Variants in CSMD1 observed in about 807,000 individuals in gnomAD.
CSMD1 encodes the protein CUB and sushi domain-containing protein 1.
Under a neutral mutation model 417.5 loss-of-function variants are expected in CSMD1, and 213 were observed. That is an observed-to-expected ratio of 0.51 (90% CI 0.46 to 0.57). The LOEUF (loss-of-function observed/expected upper bound fraction) is 0.57, where lower values mean the gene tolerates loss of function less well. CSMD1 is among the 20% of genes least tolerant of loss of function. The probability of loss-of-function intolerance (pLI) is 0.00; values close to 1 mark genes in which losing one functional copy is unlikely to be tolerated. For missense variants in CSMD1, 6,923 were observed against 4,529.7 expected, an observed-to-expected ratio of 1.53 and a Z score of -15.17; for synonymous variants, 2,862 against 1,736.8, an observed-to-expected ratio of 1.65 and a Z score of -16.11.
chr8:3,348,235 A>C, intron 21 of CSMD1, 74 bp from the exon 22 acceptor site: 1 of 1,055,476 alleles, frequency 9.5e-7, no homozygotes, highest in Non-Finnish European at 1.4e-6. Flanking sequence ...AAAAACTTTA[A>C]AATCATGATA....
intron 5 of CSMD1, among the ~76,000 whole-genome samples, chr8:3,869,700 G>A (rs1016127187): frequency 6.6e-6 from 1 of 152,122 alleles, no homozygotes; most frequent in East Asian, 1.9e-4. Flanking sequence ...GCAGCCAGGA[G>A]CATGTGGGGA....
rs534869237 is a variant in CSMD1, at chr8:4,261,774, T to A, written c.415+158179A>T. 2.0e-5 allele frequency among the ~76,000 whole-genome samples: 3 copies of A among 152,232 alleles called. No individual in the cohort carries two copies. The South Asian group carries it at 6.2e-4, about 32-fold the overall frequency. ...TGTTTTCTATGTGAAGTGATGAATATGTTAATTAGTTTGATAATGGTAATC... is the reference window on the plus strand; with the variant it reads ...TGTTTTCTATGTGAAGTGATGAATAAGTTAATTAGTTTGATAATGGTAATC... On this transcript the variant is annotated intron_variant, in intron 3 of 69. Coordinates refer to ENST00000635120, the MANE Select transcript of CSMD1 (RefSeq NM_033225.6).
intron 7 of CSMD1, among the ~76,000 whole-genome samples, chr8:3,676,720 A>G (rs1359318273): frequency 6.6e-6 from 1 of 152,164 alleles, no homozygotes; most frequent in East Asian, 1.9e-4. Flanking sequence ...ACTCAGTGTG[A>G]TCATTGAAAT....
intron 41 of CSMD1, 135 bp from the exon 42 acceptor site, chr8:3,118,722 TAGTC>T (rs1260800821): frequency 8.7e-6 from 6 of 692,246 alleles, no homozygotes; most frequent in African/African-American, 1.8e-5. Flanking sequence ...ATTTTCTAAG[TAGTC>T]AGTTGCCATC....
intron 3 of CSMD1, among the ~76,000 whole-genome samples, chr8:4,259,514 C>A (rs181250761): frequency 7.0e-6 from 1 of 142,226 alleles, no homozygotes; most frequent in Non-Finnish European, 1.5e-5. Flanking sequence ...CATCCTTCAA[C>A]AAAGTTCGAG....
At chr8:3,935,422 T>C (rs1288833271) in intron 5 of CSMD1, among the ~76,000 whole-genome samples, 3 of 152,170 alleles carry the variant, frequency 2.0e-5, no homozygotes, top group Non-Finnish European at 2.9e-5. Context: ...ATAACTGGGT[T>C]TTTGAAAAAT....
intron 3 of CSMD1, among the ~76,000 whole-genome samples, chr8:4,228,166 C>A (rs528369639): frequency 3.3e-5 from 5 of 152,174 alleles, no homozygotes; most frequent in Non-Finnish European, 7.3e-5. Flanking sequence ...GAAGGAAACA[C>A]CCCCTCCACC....
intron 3 of CSMD1, among the ~76,000 whole-genome samples, chr8:4,129,266 G>T (rs148027711): frequency 2.6e-5 from 4 of 152,036 alleles, no homozygotes; most frequent in African/African-American, 9.7e-5. Context: ...GGAGCCTTCA[G>T]ATCTGCTGTC....
chr8:3,596,771 C>T (rs939276553), intron 8 of CSMD1, among the ~76,000 whole-genome samples: 2 of 151,366 alleles, frequency 1.3e-5, no homozygotes, highest in Non-Finnish European at 2.9e-5. Flanking sequence ...ATTCAGGGCA[C>T]ACACAAACAC....
intron 68 of CSMD1, among the ~76,000 whole-genome samples, chr8:2,943,490 AG>A (rs1177878671): frequency 6.6e-6 from 1 of 152,176 alleles, no homozygotes; most frequent in South Asian, 2.1e-4. Flanking sequence ...GGCCTCGAAA[AG>A]TGCTGGAATT....
chr8:4,023,707 C>T (rs547602303), intron 4 of CSMD1, among the ~76,000 whole-genome samples: 1 of 150,844 alleles, frequency 6.6e-6, no homozygotes, highest in African/African-American at 2.4e-5. Context: ...CTGCCTCAGC[C>T]TCCCGAGTAG....
intron 3 of CSMD1, among the ~76,000 whole-genome samples, chr8:4,075,334 T>C (rs1382606903): frequency 6.6e-6 from 1 of 152,156 alleles, no homozygotes; most frequent in Non-Finnish European, 1.5e-5. Flanking sequence ...CCTAAGAGAA[T>C]ATAGAGCTCT....
In CSMD1 at chr8:4,591,112, T is replaced by C. The variant is rs1340732257; in HGVS notation, c.302+46230A>G. ...TTCTCTAAGGTTGTAAGCTATGCCA[T>C]CAAAAGTATTGAGTTCTGAATGCAT... On this transcript the variant is annotated intron_variant, in intron 2 of 69. Transcript: ENST00000635120. 2.0e-5 allele frequency among the ~76,000 whole-genome samples: 3 copies of C among 152,360 alleles called. 1 individual carries two copies. The highest frequency in any genetic ancestry group is 7.2e-5 in the African/African-American group (3 of 41,584).
chr8:4,127,815 T>A (rs769919590), intron 3 of CSMD1, among the ~76,000 whole-genome samples: 13 of 152,332 alleles, frequency 8.5e-5, no homozygotes, highest in Non-Finnish European at 1.6e-4. Flanking sequence ...TGTACTATCA[T>A]TATTTATCAT....
chr8:4,382,124 A>G (rs1018354022), intron 3 of CSMD1, among the ~76,000 whole-genome samples: 4 of 152,214 alleles, frequency 2.6e-5, no homozygotes, highest in African/African-American at 9.6e-5. Context: ...ATGCACTTCA[A>G]TAAAGGACAT....
At chr8:4,807,888 G>T (rs921352130) in intron 1 of CSMD1, among the ~76,000 whole-genome samples, 8 of 152,008 alleles carry the variant, frequency 5.3e-5, no homozygotes, top group African/African-American at 1.2e-4. Context: ...ATTCTCAAAG[G>T]TCTCCATGAG....
chr8:4,772,401 C>A (rs1409603994), intron 1 of CSMD1, among the ~76,000 whole-genome samples: 2 of 152,172 alleles, frequency 1.3e-5, no homozygotes, highest in African/African-American at 4.8e-5. Flanking sequence ...AGGTTGGGTC[C>A]ACCCTGATAA....
intron 1 of CSMD1, among the ~76,000 whole-genome samples, chr8:4,727,171 G>T (rs1809514508): frequency 2.6e-5 from 4 of 152,126 alleles, no homozygotes. Flanking sequence ...CCGTAGGCCA[G>T]TAGCTCTCCA....
At chr8:3,308,662 T>A (rs1805082106) in intron 23 of CSMD1, among the ~76,000 whole-genome samples, 159 bp from the exon 24 acceptor site, 1 of 151,158 alleles carries the variant, frequency 6.6e-6, no homozygotes, top group South Asian at 2.1e-4. Context: ...GGGTCTGTAC[T>A]GGGGCTATTT....
Sources: allele counts gnomAD v4.1 joint callset (sites outside exome capture counted in the v4.1 genomes callset), GRCh38; gene constraint gnomAD v4.1.1; transcripts MANE v1.5; gene names NCBI Gene and HGNC (gene_info 2026-07-23, HGNC 2026-07-21).